Variants in TRIP11 observed in about 807,000 individuals in gnomAD.
TRIP11 encodes the protein thyroid hormone receptor interactor 11.
In TRIP11, 148 loss-of-function variants were observed where a neutral mutation model predicts 223.1. The ratio of observed to expected loss-of-function variants is 0.66; its 90% CI spans 0.58 to 0.76. The LOEUF is 0.76. TRIP11 is among the 30% of genes least tolerant of loss of function. The pLI, the probability that TRIP11 is intolerant of heterozygous loss-of-function variation, is 0.00. For synonymous variants in TRIP11, 762 were observed against 772.6 expected (o/e 0.99, Z 0.23); for missense variants, 2,043 against 2,222.0 (o/e 0.92, Z 1.62).
chr14:91,976,126 G>A lies in TRIP11; in HGVS notation c.5324C>T (p.Ser1775Leu). The change falls in exon 17 of 21, where the codon TCA (serine) becomes TTA (leucine). Residue 1775 changes from serine to leucine, a missense_variant. Transcript: ENST00000267622. The part of the protein sequence containing the change: ...QKKLMSLANS[S>L]EGKVDKVLMR... ...AGCATACTTGTCTACTTTTCCTTCTGAGCTGTTTGCTAAGCTCATCAATTT... is the reference window on the plus strand; with the variant it reads ...AGCATACTTGTCTACTTTTCCTTCTAAGCTGTTTGCTAAGCTCATCAATTT... The A allele has an allele frequency of 1.2e-6, 2 of 1,612,276 alleles. No individual in the cohort carries two copies. The highest frequency in any genetic ancestry group is 1.1e-5 in the South Asian group (1 of 91,056).
In TRIP11 at chr14:91,968,040, A is replaced by C. The variant is rs2140075359; in HGVS notation, c.*1633T>G. On this transcript the variant is annotated 3_prime_UTR_variant, in exon 21 of 21. Transcript: ENST00000267622. ...ATTTTCAGTTACTTCATTTTTCAGA[A>C]AAACAAGTTTCACCCATCAACATGG... 5.0e-6 allele frequency: 1 copy of C among 201,302 alleles called. No homozygotes were observed. Among genetic ancestry groups the C allele is most frequent in the African/African-American group, 2.3e-5 (1 of 43,646 alleles). The allele number at this position is 201,302 out of a possible 1,614,324, so 12.5% of individuals were successfully genotyped here. A position where few individuals can be genotyped will look rare whatever the true frequency, so the allele number is the denominator to read the frequency against.
intron 15 of TRIP11, among the ~76,000 whole-genome samples, chr14:91,992,510 C>T (rs2056687056): frequency 6.6e-6 from 1 of 152,060 alleles, no homozygotes; most frequent in Non-Finnish European, 1.5e-5. Flanking sequence ...AGTATATCTT[C>T]ACTTACTTGG....
rs2057364701 is a variant in TRIP11, at chr14:92,039,767, T to C, written c.-82A>G. 2 of 1,555,258 alleles carry C rather than the reference T, an allele frequency of 1.3e-6. No individual in the cohort carries two copies. The highest frequency in any genetic ancestry group is 8.7e-7 in the Non-Finnish European group (1 of 1,149,354). The stretch of plus-strand genomic sequence containing the variant: ...CGCCGGGCGATCCGACCAAATATCC[T>C]TGAACGCCTGCCTTCGCGAGACAGG... On this transcript the variant is annotated 5_prime_UTR_variant, in exon 1 of 21. Coordinates refer to ENST00000267622, the MANE Select transcript of TRIP11 (RefSeq NM_004239.4).
At position 91,969,830 on chromosome 14, in the gene TRIP11, G is replaced by A. The variant is rs771072305; in HGVS notation, c.5783C>T (p.Ala1928Val). ...AGCTGGGTTAATAAGAGGTACAGCT[G>A]CCGAGCGAGGAGCCAAAAACGGATT... ...DVNPFLAPRS[A>V]AVPLINPAGL... is the part of the protein sequence containing the mutation. Residue 1928 changes from alanine to valine, a missense_variant, in exon 21 of 21, where the codon GCA becomes GTA. Coordinates refer to ENST00000267622, the MANE Select transcript of TRIP11 (RefSeq NM_004239.4). 6.2e-7 allele frequency: 1 copy of A among 1,614,214 alleles called. No homozygotes were observed.
At chr14:92,002,074 C>T (rs1187799563) in intron 11 of TRIP11, among the ~76,000 whole-genome samples, 3 of 151,952 alleles carry the variant, frequency 2.0e-5, no homozygotes, top group Non-Finnish European at 2.9e-5. Context: ...TATTGTTTTG[C>T]CTATCATCTC....
In TRIP11 at chr14:92,038,189, G is replaced by A. The variant is rs565488735; in HGVS notation, c.139+1358C>T. 2.0e-5 allele frequency among the ~76,000 whole-genome samples: 3 copies of A among 152,294 alleles called. No individual in the cohort carries two copies. In the South Asian group the frequency reaches 6.2e-4, roughly 32 times the overall value. ...AACTGAGAGTGAAGCTATTAAGAATGAGAAAACAGCACATTTGGCAGGAGA... is the reference window on the plus strand; with the variant it reads ...AACTGAGAGTGAAGCTATTAAGAATAAGAAAACAGCACATTTGGCAGGAGA... On this transcript the variant is annotated intron_variant, in intron 1 of 20. Coordinates refer to ENST00000267622, the MANE Select transcript of TRIP11 (RefSeq NM_004239.4).
intron 2 of TRIP11, among the ~76,000 whole-genome samples, chr14:92,032,341 G>C (rs2057276292): frequency 6.6e-6 from 1 of 151,410 alleles, no homozygotes; most frequent in African/African-American, 2.4e-5. Context: ...GTTAGAGATG[G>C]GGTTTCACCA....
rs2038276 is a variant in TRIP11, at chr14:91,988,375, C to T, written c.5169G>A (p.Leu1723=). 108 of 1,613,348 alleles carry T rather than the reference C, an allele frequency of 6.7e-5. No individual in the cohort carries two copies. The Admixed American group carries it at 1.8e-3, about 27-fold the overall frequency. Residue 1723 remains leucine, a synonymous_variant, in exon 16 of 21, where the codon TTG becomes TTA. Transcript: ENST00000267622. ...AATCCAATGCAGCATTTGCTTCATC[C>T]AAACATTCCTGAGAAAGAAAACTTT... ...EGKVISLQEC[L]DEANAALDSA...
chr14:92,036,158 T>A (rs540264087), intron 1 of TRIP11, among the ~76,000 whole-genome samples: 83 of 152,310 alleles, frequency 5.4e-4, no homozygotes, highest in Non-Finnish European at 9.6e-4. Context: ...CTAATTTGTT[T>A]AGGAAGGTAA....
At chr14:92,000,752 G>A (rs1300015127) in intron 11 of TRIP11, among the ~76,000 whole-genome samples, 2 of 152,190 alleles carry the variant, frequency 1.3e-5, no homozygotes, top group Admixed American at 6.5e-5. Context: ...CAATTGTTAT[G>A]AGAGAAAGTA....
At chr14:92,033,114 G>A in intron 2 of TRIP11, 78 bp downstream of exon 2, 2 of 1,114,280 alleles carry the variant, frequency 1.8e-6, no homozygotes, top group Non-Finnish European at 2.7e-6. Context: ...CATTTAAAAA[G>A]AAAGGATCAA....
In TRIP11 at chr14:92,006,126, T is replaced by G; in HGVS notation, c.1850A>C (p.Glu617Ala). Residue 617 changes from glutamate to alanine, a missense_variant, in exon 11 of 21, where the codon GAG (glutamate) becomes GCG (alanine). Transcript: ENST00000267622. ...ATTCCTTATTCTAGAAAGCTCCTCC[T>G]CATTTTGTCTAATATGCTCCTTAAG... ...LELKEHIRQNEEELSRIRNEL... is the reference protein window; with the variant it reads ...LELKEHIRQNAEELSRIRNEL... The G allele has an allele frequency of 6.2e-7, 1 of 1,609,730 alleles. No individual in the cohort carries two copies. Among genetic ancestry groups the G allele is most frequent in the East Asian group, 2.2e-5 (1 of 44,764 alleles).
intron 17 of TRIP11, 44 bp from the exon 18 acceptor site, chr14:91,975,330 A>G: frequency 4.0e-6 from 5 of 1,254,420 alleles, no homozygotes; most frequent in Non-Finnish European, 5.9e-6. Context: ...ACTCAACATT[A>G]AGTACACTCA....
At chr14:91,980,844 TCTGATA>T (rs1391594623) in intron 16 of TRIP11, among the ~76,000 whole-genome samples, 1 of 151,570 alleles carries the variant, frequency 6.6e-6, no homozygotes, top group Non-Finnish European at 1.5e-5. Context: ...TAAATTTAAA[TCTGATA>T]CAATATTAAA....
At chr14:91,993,527 G>C (rs1305852643) in intron 15 of TRIP11, among the ~76,000 whole-genome samples, 1 of 141,974 alleles carries the variant, frequency 7.0e-6, no homozygotes, top group East Asian at 2.0e-4. Context: ...TTAAATTATA[G>C]ATTAATTTGG....
At chr14:92,029,472 T>G (rs1014994142) in intron 2 of TRIP11, among the ~76,000 whole-genome samples, 41 of 152,004 alleles carry the variant, frequency 2.7e-4, no homozygotes, top group African/African-American at 8.7e-4. Context: ...ATTTTTGTAT[T>G]TTTTGTAGAG....
intron 2 of TRIP11, among the ~76,000 whole-genome samples, chr14:92,030,140 T>A (rs2057245268): frequency 7.4e-6 from 1 of 135,312 alleles, no homozygotes; most frequent in Admixed American, 8.9e-5. Flanking sequence ...GAGCTTGCAG[T>A]GAGCCTAGAT....
intron 13 of TRIP11, 90 bp from the exon 14 acceptor site, chr14:91,995,605 AT>A (rs1595379953): frequency 7.8e-7 from 1 of 1,275,056 alleles, no homozygotes; most frequent in Non-Finnish European, 1.1e-6. Flanking sequence ...TTATTACTTT[AT>A]TTTATTTTAT....
intron 1 of TRIP11, among the ~76,000 whole-genome samples, chr14:92,035,482 A>G (rs1290045343): frequency 6.6e-6 from 1 of 151,666 alleles, no homozygotes; most frequent in Admixed American, 6.6e-5. Context: ...GCCATACTGG[A>G]AGAACTGTCT....
Sources: gnomAD v4.1 joint callset for allele counts (sites outside exome capture counted in the v4.1 genomes callset) on GRCh38, gnomAD v4.1.1 for gene constraint, MANE v1.5 for transcripts, NCBI Gene and HGNC (gene_info 2026-07-23, HGNC 2026-07-21) for gene names.